Variants in GRIK1 observed in about 807,000 individuals in gnomAD.
GRIK1 encodes the protein glutamate ionotropic receptor kainate type subunit 1, also known as glutamate receptor ionotropic, kainate 1.
GRIK1 carries 69 observed loss-of-function variants against 105.7 expected under a neutral mutation model. The observed-to-expected ratio is 0.65, with a 90% CI of 0.54 to 0.80. The LOEUF is 0.80. GRIK1 is among the 30% of genes least tolerant of loss of function. The pLI, the probability that GRIK1 is intolerant of heterozygous loss-of-function variation, is 0.00. For missense variants in GRIK1, 1,109 were observed against 1,167.3 expected (o/e 0.95, Z 0.73); for synonymous variants, 438 against 431.3 (o/e 1.02, Z -0.19).
At chr21:29,578,128 A>T (rs929316802) in intron 13 of GRIK1, among the ~76,000 whole-genome samples, 2 of 152,054 alleles carry the variant, frequency 1.3e-5, no homozygotes. Context: ...CTCCAGTTGT[A>T]CTGATTCACA....
intron 15 of GRIK1, among the ~76,000 whole-genome samples, chr21:29,559,528 A>G (rs363496): frequency 0.023 from 3,488 of 152,304 alleles, 112 homozygotes; most frequent in African/African-American, 0.075. Flanking sequence ...AGGTAGCTGT[A>G]AATCTTCTAG....
intron 7 of GRIK1, among the ~76,000 whole-genome samples, chr21:29,608,766 A>G (rs991271975): frequency 4.6e-5 from 7 of 152,208 alleles, no homozygotes; most frequent in African/African-American, 1.7e-4. Context: ...TCATGGAAAC[A>G]TGGTGCCAAA....
intron 4 of GRIK1, among the ~76,000 whole-genome samples, chr21:29,656,762 TAAAG>T (rs1175215181): frequency 6.6e-6 from 1 of 152,096 alleles, no homozygotes; most frequent in Non-Finnish European, 1.5e-5. Context: ...GAATAAGAAA[TAAAG>T]AGGGTATTAG....
At chr21:29,625,744 G>A (rs113377259) in intron 7 of GRIK1, among the ~76,000 whole-genome samples, 7,234 of 152,194 alleles carry the variant, frequency 0.048, 256 homozygotes, top group Non-Finnish European at 0.072. Flanking sequence ...TGTCTCTCTT[G>A]TCTTATTAGT....
At chr21:29,805,845 A>G (rs1658655910) in intron 1 of GRIK1, among the ~76,000 whole-genome samples, 1 of 152,162 alleles carries the variant, frequency 6.6e-6, no homozygotes, top group Non-Finnish European at 1.5e-5. Flanking sequence ...TCACTGATAT[A>G]GGTAGTCACT....
chr21:29,854,046 G>A (rs1304311856), intron 1 of GRIK1, among the ~76,000 whole-genome samples: 1 of 152,088 alleles, frequency 6.6e-6, no homozygotes, highest in African/African-American at 2.4e-5. Context: ...TGCTATACAG[G>A]AATACCTAAT....
intron 1 of GRIK1, among the ~76,000 whole-genome samples, chr21:29,720,152 C>G (rs1480248531): frequency 3.3e-5 from 5 of 152,242 alleles, no homozygotes; most frequent in African/African-American, 1.2e-4. Flanking sequence ...CATGGCTCCA[C>G]AATCCCTGAG....
chr21:29,678,742 G>C (rs2146668826), intron 3 of GRIK1, among the ~76,000 whole-genome samples: 1 of 152,310 alleles, frequency 6.6e-6, no homozygotes, highest in African/African-American at 2.4e-5. Context: ...AGAGCACATA[G>C]CAGAAGAGTT....
chr21:29,883,652 G>A (rs899061947), intron 1 of GRIK1, among the ~76,000 whole-genome samples: 1 of 152,024 alleles, frequency 6.6e-6, no homozygotes, highest in African/African-American at 2.4e-5. Flanking sequence ...CAGGTATCAG[G>A]TTATAAAGAA....
chr21:29,587,961 A>ATTTTTTTTTT (rs1555842114), intron 11 of GRIK1, among the ~76,000 whole-genome samples: 9 of 81,834 alleles, frequency 1.1e-4, no homozygotes, highest in East Asian at 5.0e-4. Flanking sequence ...AAACTTTAAA[A>ATTTTTTTTTT]TTCTTTTTTT....
Position 29,867,880 on chromosome 21 carries a change from G to GAA in GRIK1, c.118+71502_118+71503insTT, listed in dbSNP as rs1267820761. 8.4e-4 allele frequency among the ~76,000 whole-genome samples: 13 copies of GAA among 15,430 alleles called. No homozygotes were observed. In the East Asian group the frequency reaches 9.4e-3, roughly 11 times the overall value. The allele number at this position is 15,430 out of a possible 152,430, so 10.1% of individuals were successfully genotyped here. ...AGAAAGAGAGAGAAAGAGAGAAAGA[G>GAA]AGAGAAAGAGAGAGAGAGAGAGAAA... On this transcript the variant is annotated intron_variant, in intron 1 of 17. Transcript: ENST00000327783.
intron 4 of GRIK1, among the ~76,000 whole-genome samples, chr21:29,661,152 T>C (rs1258100186): frequency 6.6e-6 from 1 of 152,210 alleles, no homozygotes; most frequent in Non-Finnish European, 1.5e-5. Context: ...TCATGCCACA[T>C]TGAATGATTA....
rs140163065 is a variant in GRIK1 at position 29,819,544 on chromosome 21, C to T, written c.118+119839G>A. 2.9e-3 allele frequency among the ~76,000 whole-genome samples: 441 copies of T among 151,950 alleles called. 3 individuals carry two copies. Among genetic ancestry groups the T allele is most frequent in the African/African-American group, 0.01 (423 of 41,476 alleles). ...TCTTCTTTCTATTTTTATTTGATAG[C>T]GTGATATTTCAAGTTCACTGTTGAG... On this transcript the variant is annotated intron_variant, in intron 1 of 17. Transcript: ENST00000327783.
rs201957880 is a variant in GRIK1, at chr21:29,693,884, G to A, written c.286+12C>T. The A allele has an allele frequency of 5.6e-6, 9 of 1,601,144 alleles. No individual in the cohort carries two copies. The African/African-American group carries it at 1.2e-4, about 21-fold the overall frequency. ...CACCCAAAGAAGCTTTTAAAAGTGG[G>A]AAAATAGTTACCTCTCCGCGAGGCT... is the stretch of plus-strand genomic sequence containing the variant. On this transcript the variant is annotated intron_variant, in intron 2 of 17. Transcript: ENST00000327783.
intron 1 of GRIK1, among the ~76,000 whole-genome samples, chr21:29,846,452 G>GAGAGAGAGAAAAA (rs1472713302): frequency 5.2e-5 from 6 of 114,368 alleles, no homozygotes; most frequent in Admixed American, 3.6e-4. Context: ...AAGGAAAGAA[G>GAGAGAGAGAAAAA]GAAAGAGAGA....
chr21:29,891,247 A>G (rs929134860), intron 1 of GRIK1, among the ~76,000 whole-genome samples: 1 of 152,192 alleles, frequency 6.6e-6, no homozygotes. Flanking sequence ...TGTCATAAAA[A>G]GTGAAATATC....
At chr21:29,808,183 T>C (rs2066915123) in intron 1 of GRIK1, among the ~76,000 whole-genome samples, 1 of 152,128 alleles carries the variant, frequency 6.6e-6, no homozygotes, top group South Asian at 2.1e-4. Flanking sequence ...GGGTCTGAAG[T>C]GACTGACAAG....
intron 10 of GRIK1, among the ~76,000 whole-genome samples, chr21:29,589,865 A>G (rs2061307528): frequency 6.6e-6 from 1 of 152,128 alleles, no homozygotes; most frequent in South Asian, 2.1e-4. Context: ...TATGATTTAT[A>G]TATTTTGATT....
chr21:29,748,427 C>G (rs1018126325), intron 1 of GRIK1: 2 of 152,144 alleles, frequency 1.3e-5, no homozygotes, highest in Non-Finnish European at 2.9e-5. Context: ...TGGAAATTTC[C>G]TGAGTAGCTT....
Sources: allele counts gnomAD v4.1 joint callset (sites outside exome capture counted in the v4.1 genomes callset), GRCh38; gene constraint gnomAD v4.1.1; transcripts MANE v1.5; gene names NCBI Gene and HGNC (gene_info 2026-07-23, HGNC 2026-07-21).